The following MSRA variants were observed in gnomAD, a reference collection of about 807,000 sequenced individuals.
MSRA encodes the protein methionine sulfoxide reductase A, also known as mitochondrial peptide methionine sulfoxide reductase.
Under a neutral mutation model 31.3 loss-of-function variants are expected in MSRA, and 54 were observed. That is an observed-to-expected ratio of 1.73 (90% CI 1.39 to 2.17). MSRA has a LOEUF of 2.17. Ranked by LOEUF, MSRA falls within the 30% of genes most tolerant of loss-of-function variation. The pLI, the probability that MSRA is intolerant of heterozygous loss-of-function variation, is 0.00. For synonymous variants in MSRA, 169 were observed against 116.5 expected, an observed-to-expected ratio of 1.45 and a Z score of -2.90; for missense variants, 507 against 300.9, an observed-to-expected ratio of 1.69 and a Z score of -5.07.
intron 1 of MSRA, among the ~76,000 whole-genome samples, chr8:10,106,838 C>G (rs1435952295): frequency 6.6e-6 from 1 of 151,998 alleles, no homozygotes; most frequent in Non-Finnish European, 1.5e-5. Flanking sequence ...CCCACTCACA[C>G]ACCCACCCAC....
At chr8:10,228,500 T>C (rs1215396290) in intron 2 of MSRA, among the ~76,000 whole-genome samples, 1 of 152,182 alleles carries the variant, frequency 6.6e-6, no homozygotes, top group African/African-American at 2.4e-5. Context: ...ACTGAATCTA[T>C]GTAATGAATA....
chr8:10,313,994 C>T lies in MSRA; in HGVS notation c.437-5889C>T, dbSNP rs181097023. Reference sequence around the variant, plus strand: ...AATTGGATTTCTGCCTCACACCATACACAAAAATCAATTCCAAGTAGATTG... The same window carrying T: ...AATTGGATTTCTGCCTCACACCATATACAAAAATCAATTCCAAGTAGATTG... On this transcript the variant is annotated intron_variant, in intron 4 of 5. Coordinates refer to ENST00000317173, the MANE Select transcript of MSRA (RefSeq NM_012331.5). 2.0e-5 allele frequency among the ~76,000 whole-genome samples: 3 copies of T among 152,262 alleles called. No homozygotes were observed. The East Asian group carries it at 5.8e-4, about 29-fold the overall frequency.
intron 5 of MSRA, among the ~76,000 whole-genome samples, chr8:10,385,462 G>T (rs1160613081): frequency 6.6e-6 from 1 of 152,238 alleles, no homozygotes; most frequent in Non-Finnish European, 1.5e-5. Flanking sequence ...GCGGGTGGAA[G>T]CCTGTGGCAC....
intron 1 of MSRA, among the ~76,000 whole-genome samples, chr8:10,170,203 T>C (rs185701577): frequency 2.0e-5 from 3 of 152,116 alleles, no homozygotes; most frequent in East Asian, 1.9e-4. Flanking sequence ...GTATTTTCTA[T>C]ATGGACAATG....
intron 3 of MSRA, among the ~76,000 whole-genome samples, chr8:10,283,881 GTTTC>G (rs1259746510): frequency 3.4e-5 from 4 of 118,316 alleles, no homozygotes; most frequent in East Asian, 2.5e-4. Flanking sequence ...ATATATTACA[GTTTC>G]TTTATCTACT....
chr8:10,103,140 G>A (rs976839971), intron 1 of MSRA, among the ~76,000 whole-genome samples: 26 of 152,218 alleles, frequency 1.7e-4, no homozygotes, highest in African/African-American at 4.6e-4. Context: ...GAGAGAATAC[G>A]CTACCTGGGT....
At chr8:10,418,647 C>G (rs577475478) in intron 5 of MSRA, among the ~76,000 whole-genome samples, 1 of 152,014 alleles carries the variant, frequency 6.6e-6, no homozygotes, top group Non-Finnish European at 1.5e-5. Flanking sequence ...ATTGTACGTT[C>G]AGGTTCCTTT....
intron 1 of MSRA, among the ~76,000 whole-genome samples, chr8:10,198,171 A>C (rs1415917971): frequency 2.0e-5 from 3 of 152,120 alleles, no homozygotes; most frequent in Admixed American, 6.5e-5. Flanking sequence ...CTTAAGAAAA[A>C]TTTGGGAATA....
chr8:10,363,350 G>C (rs762313069), intron 5 of MSRA, among the ~76,000 whole-genome samples: 15 of 152,212 alleles, frequency 9.9e-5, no homozygotes, highest in Middle Eastern at 6.8e-3. Flanking sequence ...TATTCCTTCC[G>C]TGACTCACAG....
intron 2 of MSRA, among the ~76,000 whole-genome samples, chr8:10,232,641 T>G (rs193113391): frequency 6.6e-6 from 1 of 152,226 alleles, no homozygotes; most frequent in African/African-American, 2.4e-5. Flanking sequence ...TTCTTTAAGG[T>G]TCTTCCTGAA....
intron 1 of MSRA, among the ~76,000 whole-genome samples, chr8:10,097,055 A>G (rs779368019): frequency 1.6e-4 from 25 of 152,194 alleles, no homozygotes; most frequent in Non-Finnish European, 2.6e-4. Flanking sequence ...CTTCGACAAT[A>G]AAAACCTGTC....
intron 1 of MSRA, among the ~76,000 whole-genome samples, chr8:10,158,052 G>T (rs918308460): frequency 6.6e-6 from 1 of 152,156 alleles, no homozygotes; most frequent in Non-Finnish European, 1.5e-5. Flanking sequence ...TGTCTGATGA[G>T]GGCACACTTC....
rs141605013 is a variant in MSRA, at chr8:10,273,848, T to C, written c.332-27686T>C. Reference sequence around the variant, plus strand: ...GAGAAAGAGAATTGGAGGCTTACATTATGATCCTCGAGCCAACAGTGGGAT... The same window carrying C: ...GAGAAAGAGAATTGGAGGCTTACATCATGATCCTCGAGCCAACAGTGGGAT... On this transcript the variant is annotated intron_variant, in intron 3 of 5. Transcript: ENST00000317173. Among the ~76,000 whole-genome samples the C allele has an allele frequency of 5.8e-4, 88 of 152,276 alleles. No individual in the cohort carries two copies. The East Asian group carries it at 0.017, about 29-fold the overall frequency.
intron 3 of MSRA, among the ~76,000 whole-genome samples, chr8:10,284,235 A>T (rs1585363293): frequency 6.6e-6 from 1 of 151,980 alleles, no homozygotes; most frequent in East Asian, 1.9e-4. Flanking sequence ...TGTTCCCGGG[A>T]TGGAGTGCAA....
chr8:10,197,679 C>T (rs1302887637), intron 1 of MSRA, among the ~76,000 whole-genome samples: 3 of 152,264 alleles, frequency 2.0e-5, no homozygotes, highest in South Asian at 2.1e-4. Context: ...TCTCTGCCAA[C>T]GTCCATCCGC....
At chr8:10,206,492 C>T (rs77982883) in intron 1 of MSRA, among the ~76,000 whole-genome samples, 1 of 152,198 alleles carries the variant, frequency 6.6e-6, no homozygotes, top group East Asian at 1.9e-4. Flanking sequence ...GGGCTACAGG[C>T]AGCTTCCCAT....
chr8:10,290,615 G>A (rs568728549), intron 3 of MSRA, among the ~76,000 whole-genome samples: 13 of 152,278 alleles, frequency 8.5e-5, no homozygotes, highest in African/African-American at 2.6e-4. Flanking sequence ...TTGGTGGGGT[G>A]GAGGGGGAGG....
intron 1 of MSRA, among the ~76,000 whole-genome samples, chr8:10,175,864 T>G (rs1305060216): frequency 6.6e-6 from 1 of 152,246 alleles, no homozygotes; most frequent in Non-Finnish European, 1.5e-5. Flanking sequence ...ACTTTTGGCT[T>G]TATCACTCCA....
intron 2 of MSRA, among the ~76,000 whole-genome samples, chr8:10,225,695 C>G (rs1464217556): frequency 1.3e-5 from 2 of 152,132 alleles, no homozygotes. Flanking sequence ...ATGGTGCCAG[C>G]TCTCGTTTTG....
Sources: gnomAD v4.1 joint callset for allele counts (sites outside exome capture counted in the v4.1 genomes callset) on GRCh38, gnomAD v4.1.1 for gene constraint, MANE v1.5 for transcripts, NCBI Gene and HGNC (gene_info 2026-07-23, HGNC 2026-07-21) for gene names.